The following CDK8 variants were observed in gnomAD, a reference collection of about 807,000 sequenced individuals.
CDK8 encodes the protein cyclin-dependent kinase 8.
A neutral mutation model predicts 71.5 loss-of-function variants in CDK8; 29 were observed. The ratio of observed to expected loss-of-function variants is 0.41; its 90% CI spans 0.30 to 0.55. CDK8 has a LOEUF of 0.55. Among genes scored for constraint, CDK8 ranks in the 20% least tolerant of loss-of-function variants. CDK8 has a pLI of 0.37. For synonymous variants in CDK8, 161 were observed against 192.1 expected, an observed-to-expected ratio of 0.84 and a Z score of 1.34; for missense variants, 288 against 572.6, an observed-to-expected ratio of 0.50 and a Z score of 5.07.
chr13:26,386,995 A>T (rs992569049), intron 6 of CDK8, among the ~76,000 whole-genome samples: 2 of 151,964 alleles, frequency 1.3e-5, no homozygotes, highest in African/African-American at 4.8e-5. Flanking sequence ...TTTCCTCCTC[A>T]ATGTTTTCTG....
rs182617582 is a variant in CDK8, at chr13:26,317,966, A to G, written c.129-19601A>G. Among the ~76,000 whole-genome samples, 12 of 152,194 alleles carry G rather than the reference A, an allele frequency of 7.9e-5. No homozygotes were observed. The East Asian group carries it at 1.4e-3, about 17-fold the overall frequency. Reference sequence around the variant, plus strand: ...ATACACAAAATAGAGAATAAAATATATAGCGAAAATAATAAACCCAAGAGT... The same window carrying G: ...ATACACAAAATAGAGAATAAAATATGTAGCGAAAATAATAAACCCAAGAGT... On this transcript the variant is annotated intron_variant, in intron 1 of 12. Coordinates refer to ENST00000381527, the MANE Select transcript of CDK8 (RefSeq NM_001260.3).
At chr13:26,257,580 A>G (rs9512166) in intron 1 of CDK8, among the ~76,000 whole-genome samples, 91,875 of 151,982 alleles carry the variant, frequency 0.6, 27,863 homozygotes, top group Middle Eastern at 0.65. Flanking sequence ...ACACTTAAAG[A>G]GTACTCAGTG....
intron 1 of CDK8, among the ~76,000 whole-genome samples, chr13:26,294,153 G>T (rs1471962220): frequency 6.7e-6 from 1 of 148,692 alleles, no homozygotes; most frequent in African/African-American, 2.5e-5. Flanking sequence ...TTCTTCAGAG[G>T]TGGGATCTTG....
chr13:26,334,663 T>C (rs908475307), intron 1 of CDK8, among the ~76,000 whole-genome samples: 17 of 152,276 alleles, frequency 1.1e-4, no homozygotes, highest in African/African-American at 3.9e-4. Context: ...AAATATGTTG[T>C]AAAAACAAAG....
rs566614118 is a variant in CDK8, at chr13:26,296,666, G to A, written c.129-40901G>A. 2.4e-4 allele frequency among the ~76,000 whole-genome samples: 36 copies of A among 152,162 alleles called. No homozygotes were observed. The South Asian group carries it at 7.5e-3, about 32-fold the overall frequency. ...CATGAAGTTAACATTAATCTATTGA[G>A]GTAAAATACCCCTATTGGTGTTGTC... On this transcript the variant is annotated intron_variant, in intron 1 of 12. Transcript: ENST00000381527.
At chr13:26,399,410 C>T (rs1222178586) in intron 9 of CDK8, among the ~76,000 whole-genome samples, 1 of 152,154 alleles carries the variant, frequency 6.6e-6, no homozygotes, top group African/African-American at 2.4e-5. Context: ...GAAATGCAGG[C>T]TTTTGGCTCC....
intron 1 of CDK8, among the ~76,000 whole-genome samples, chr13:26,325,984 A>G: frequency 6.6e-6 from 1 of 152,164 alleles, no homozygotes; most frequent in East Asian, 1.9e-4. Context: ...AAATGGCTGT[A>G]CACATTTAAG....
chr13:26,379,587 G>A (rs1875120321), intron 4 of CDK8, among the ~76,000 whole-genome samples: 1 of 152,150 alleles, frequency 6.6e-6, no homozygotes. Flanking sequence ...GAATGAGTAA[G>A]AAAGTGTGTT....
At chr13:26,281,061 A>G (rs577993385) in intron 1 of CDK8, among the ~76,000 whole-genome samples, 1 of 152,388 alleles carries the variant, frequency 6.6e-6, no homozygotes, top group Admixed American at 6.5e-5. Flanking sequence ...CTCATGACAG[A>G]ATAGCCCTGC....
At chr13:26,275,781 G>A (rs2137878012) in intron 1 of CDK8, among the ~76,000 whole-genome samples, 1 of 152,136 alleles carries the variant, frequency 6.6e-6, no homozygotes, top group South Asian at 2.1e-4. Flanking sequence ...TTAGCTTGCT[G>A]TCTTAGATAT....
At chr13:26,325,665 A>T (rs1282598784) in intron 1 of CDK8, among the ~76,000 whole-genome samples, 2 of 152,064 alleles carry the variant, frequency 1.3e-5, no homozygotes, top group Admixed American at 1.3e-4. Flanking sequence ...TCAGTTTGGG[A>T]ATTAGGTGCT....
chr13:26,281,807 G>A (rs894246109), intron 1 of CDK8, among the ~76,000 whole-genome samples: 1 of 151,874 alleles, frequency 6.6e-6, no homozygotes, highest in African/African-American at 2.4e-5. Context: ...ATATCGTAGA[G>A]ATAATGTTTA....
intron 1 of CDK8, among the ~76,000 whole-genome samples, chr13:26,284,963 G>C (rs1252484360): frequency 2.0e-5 from 3 of 150,926 alleles, no homozygotes; most frequent in Non-Finnish European, 4.4e-5. Flanking sequence ...AAAAGTCTGG[G>C]TACAGTGGCT....
chr13:26,322,009 C>T (rs1874798260), intron 1 of CDK8, among the ~76,000 whole-genome samples: 1 of 152,070 alleles, frequency 6.6e-6, no homozygotes, highest in Admixed American at 6.6e-5. Flanking sequence ...TCTTGACATA[C>T]AGAAAATTCG....
intron 1 of CDK8, among the ~76,000 whole-genome samples, chr13:26,300,768 T>A (rs1023629982): frequency 9.9e-5 from 15 of 152,198 alleles, no homozygotes; most frequent in Non-Finnish European, 1.9e-4. Context: ...TGTCCAGATA[T>A]ATTATTGATT....
chr13:26,377,016 C>T (rs1462146142), intron 4 of CDK8, among the ~76,000 whole-genome samples: 2 of 152,212 alleles, frequency 1.3e-5, no homozygotes, highest in African/African-American at 4.8e-5. Context: ...CTTTTATTAG[C>T]ACTATTACTC....
At chr13:26,345,114 T>C (rs1366076919) in intron 2 of CDK8, among the ~76,000 whole-genome samples, 1 of 152,182 alleles carries the variant, frequency 6.6e-6, no homozygotes, top group Non-Finnish European at 1.5e-5. Context: ...TAGGAGTTTT[T>C]CAACTCCATT....
Position 26,382,848 on chromosome 13 carries a change from C to T in CDK8, c.491C>T (p.Pro164Leu). Residue 164 changes from proline (P) to leucine (L), a missense_variant, in exon 5 of 13, where the codon CCT (proline) becomes CTT (leucine). Pro to Leu is a moderately conservative substitution (Grantham distance 98, BLOSUM62 -3). Transcript: ENST00000381527. ...AATATTTTAGTTATGGGTGAAGGTC[C>T]TGAGCGAGGAAGAGTAAAAATTGGT... Reference protein sequence around the residue: ...PANILVMGEGPERGRVKIADM... With the variant: ...PANILVMGEGLERGRVKIADM... 6.2e-7 allele frequency: 1 copy of T among 1,601,126 alleles called. No individual in the cohort carries two copies. The highest frequency in any genetic ancestry group is 8.5e-7 in the Non-Finnish European group (1 of 1,175,518).
At chr13:26,266,536 A>G (rs1872027288) in intron 1 of CDK8, among the ~76,000 whole-genome samples, 1 of 152,198 alleles carries the variant, frequency 6.6e-6, no homozygotes, top group Admixed American at 6.5e-5. Context: ...ACAGCCAGGA[A>G]GAGTCTTTCC....
Sources: allele counts gnomAD v4.1 joint callset (sites outside exome capture counted in the v4.1 genomes callset), GRCh38; gene constraint gnomAD v4.1.1; transcripts MANE v1.5; gene names NCBI Gene and HGNC (gene_info 2026-07-23, HGNC 2026-07-21).